The following NFE2L2 variants were observed in gnomAD, a reference collection of about 807,000 sequenced individuals.
NFE2L2 encodes the protein NFE2 like bZIP transcription factor 2.
Under a neutral mutation model 49.6 loss-of-function variants are expected in NFE2L2, and 20 were observed. The ratio of observed to expected loss-of-function variants is 0.40; its 90% CI spans 0.28 to 0.59. The LOEUF is 0.59. Ranked by LOEUF, NFE2L2 falls within the 20% of genes least tolerant of loss-of-function variation. The pLI, the probability that NFE2L2 is intolerant of heterozygous loss-of-function variation, is 0.40. For missense variants in NFE2L2, 578 were observed against 714.2 expected (o/e 0.81, Z 2.17); for synonymous variants, 244 against 256.5 (o/e 0.95, Z 0.47).
rs867519625 is a variant in NFE2L2, at chr2:177,252,017, A to G, written c.45+12515T>C. 9.4e-4 allele frequency among the ~76,000 whole-genome samples: 140 copies of G among 149,530 alleles called. 2 individuals carry two copies. Among genetic ancestry groups the G allele is most frequent in the African/African-American group, 3.2e-3 (130 of 40,474 alleles). Reference sequence around the variant, plus strand: ...CTCTGTCTCAAAAAAAAAAAAAAAAAGGGATTTTTTTCAAGAAGAAATGGA... The same window carrying G: ...CTCTGTCTCAAAAAAAAAAAAAAAAGGGGATTTTTTTCAAGAAGAAATGGA... On this transcript the variant is annotated intron_variant, in intron 1 of 4. Coordinates refer to ENST00000397062, the MANE Select transcript of NFE2L2 (RefSeq NM_006164.5).
intron 1 of NFE2L2, among the ~76,000 whole-genome samples, chr2:177,243,868 C>T (rs1412653479): frequency 6.6e-6 from 1 of 152,018 alleles, no homozygotes; most frequent in Admixed American, 6.6e-5. Flanking sequence ...AGTCAGTCAT[C>T]CAGGCTTGGG....
rs543526335 is a variant in NFE2L2 at position 177,252,556 on chromosome 2, C to T, written c.45+11976G>A. Among the ~76,000 whole-genome samples the T allele has an allele frequency of 8.5e-5, 13 of 152,318 alleles. 1 individual carries two copies. In the South Asian group the frequency reaches 2.7e-3, roughly 32 times the overall value. The stretch of plus-strand genomic sequence containing the variant: ...AGGGGCAAAAAGAGAGAAACTCTCT[C>T]TGTGCCACCTTGAGGAAGAAATGAA... On this transcript the variant is annotated intron_variant, in intron 1 of 4. Coordinates refer to ENST00000397062, the MANE Select transcript of NFE2L2 (RefSeq NM_006164.5).
intron 1 of NFE2L2, among the ~76,000 whole-genome samples, chr2:177,254,160 C>G (rs964924042): frequency 6.6e-6 from 1 of 152,172 alleles, no homozygotes; most frequent in Non-Finnish European, 1.5e-5. Context: ...GTTACCAATT[C>G]CTTGCAGCTG....
chr2:177,256,277 C>T (rs13028464), intron 1 of NFE2L2, among the ~76,000 whole-genome samples: 44,001 of 151,896 alleles, frequency 0.29, 6,884 homozygotes, highest in Non-Finnish European at 0.36. Flanking sequence ...TCTAGTCCCT[C>T]AGGCAGGGAA....
At chr2:177,232,063 G>T in intron 4 of NFE2L2, 55 bp from the exon 5 acceptor site, 1 of 1,488,370 alleles carries the variant, frequency 6.7e-7, no homozygotes, top group Non-Finnish European at 9.0e-7. Flanking sequence ...ATGATAATAC[G>T]TGATAAATTT....
In NFE2L2 at chr2:177,234,095, T is replaced by C. The variant is rs2105458639; in HGVS notation, c.222A>G (p.Leu74=). Residue 74 remains leucine (L), a synonymous_variant, in exon 2 of 5, where the codon TTA becomes TTG. Transcript: ENST00000397062. ...KEQEKAFFAQ[L]QLDEETGEFL... is the part of the protein sequence containing the mutation. The stretch of plus-strand genomic sequence containing the variant: ...ATTCACCTGTCTCTTCATCTAGTTG[T>C]AACTGAGCGAAAAAGGCTTTCTCTT... The C allele has an allele frequency of 6.2e-7, 1 of 1,614,234 alleles. No individual in the cohort carries two copies. The highest frequency in any genetic ancestry group is 8.5e-7 in the Non-Finnish European group (1 of 1,180,028).
chr2:177,261,948 A>G (rs80141132), intron 1 of NFE2L2, among the ~76,000 whole-genome samples: 3 of 152,276 alleles, frequency 2.0e-5, no homozygotes, highest in African/African-American at 2.4e-5. Context: ...TATCCTCAAT[A>G]AAAACAAATA....
chr2:177,232,760 AT>A, intron 3 of NFE2L2, 177 bp from the exon 4 acceptor site: 1 of 608,906 alleles, frequency 1.6e-6, no homozygotes, highest in Non-Finnish European at 2.8e-6. Flanking sequence ...ACTGACTCAA[AT>A]TTATAATTTG....
chr2:177,236,827 T>C (rs1476431496), intron 1 of NFE2L2, among the ~76,000 whole-genome samples: 41 of 152,162 alleles, frequency 2.7e-4, no homozygotes, highest in Admixed American at 2.7e-3. Context: ...ATTGTTATTT[T>C]TTCGGGTTTT....
chr2:177,251,919 T>C (rs1010276231), intron 1 of NFE2L2, among the ~76,000 whole-genome samples: 2 of 141,716 alleles, frequency 1.4e-5, no homozygotes, highest in Non-Finnish European at 3.0e-5. Context: ...GGCAGAAGAA[T>C]GGCGTGAACC....
chr2:177,233,444 A>G, intron 2 of NFE2L2, 105 bp from the exon 3 acceptor site: 1 of 871,972 alleles, frequency 1.1e-6, no homozygotes, highest in South Asian at 1.7e-5. Context: ...TAATCAAGTT[A>G]AGTAAATATT....
chr2:177,255,876 T>A (rs1690500228), intron 1 of NFE2L2: 1 of 152,398 alleles, frequency 6.6e-6, no homozygotes, highest in Admixed American at 6.6e-5. Context: ...TTGTTTTTTC[T>A]ATGTGTATTT....
chr2:177,264,563 T>G lies in NFE2L2; in HGVS notation c.14A>C (p.Glu5Ala). The change falls in exon 1 of 5, where the codon GAG becomes GCG. Residue 5 changes from glutamate (E) to alanine (A), a missense_variant. By Grantham distance (107) the Glu-to-Ala change is moderately radical (BLOSUM62 -1). Coordinates refer to ENST00000397062, the MANE Select transcript of NFE2L2 (RefSeq NM_006164.5). MMDL[E>A]LPPPGLPSQQ... ...GGACGGGAGTCCCGGCGGCGGCAGCTCCAAGTCCATCATGATGAGCTGTGG... is the reference window on the plus strand; with the variant it reads ...GGACGGGAGTCCCGGCGGCGGCAGCGCCAAGTCCATCATGATGAGCTGTGG... The G allele has an allele frequency of 6.6e-7, 1 of 1,517,452 alleles. No individual in the cohort carries two copies. The highest frequency in any genetic ancestry group is 8.8e-7 in the Non-Finnish European group (1 of 1,131,732). 94.0% of individuals were successfully genotyped at this position (1,517,452 alleles called of 1,614,324 possible).
chr2:177,247,861 G>GA (rs1298255932), intron 1 of NFE2L2, among the ~76,000 whole-genome samples: 4 of 152,238 alleles, frequency 2.6e-5, no homozygotes, highest in African/African-American at 9.6e-5. Flanking sequence ...AGAGGCTGGG[G>GA]TACCCGCAGA....
intron 1 of NFE2L2, among the ~76,000 whole-genome samples, chr2:177,249,497 A>T (rs997199910): frequency 6.6e-6 from 1 of 152,204 alleles, no homozygotes; most frequent in Non-Finnish European, 1.5e-5. Context: ...GAAGTCCATA[A>T]GTCTGAAAAT....
chr2:177,239,250 C>A (rs1282706832), intron 1 of NFE2L2, among the ~76,000 whole-genome samples: 2 of 152,206 alleles, frequency 1.3e-5, no homozygotes, highest in African/African-American at 2.4e-5. Context: ...CCCTAGCTTA[C>A]TGTCTCCACC....
At chr2:177,257,082 A>T (rs1574282657) in intron 1 of NFE2L2, among the ~76,000 whole-genome samples, 1 of 152,374 alleles carries the variant, frequency 6.6e-6, no homozygotes, top group East Asian at 1.9e-4. Flanking sequence ...GCCACTACAA[A>T]GTGGGACTTT....
intron 1 of NFE2L2, among the ~76,000 whole-genome samples, chr2:177,243,616 G>A (rs1163572495): frequency 6.6e-6 from 1 of 152,038 alleles, no homozygotes; most frequent in Non-Finnish European, 1.5e-5. Flanking sequence ...TAATTCCCAG[G>A]CTCAAGTGAT....
At chr2:177,259,189 C>A (rs998892502) in intron 1 of NFE2L2, among the ~76,000 whole-genome samples, 1 of 152,124 alleles carries the variant, frequency 6.6e-6, no homozygotes, top group Non-Finnish European at 1.5e-5. Flanking sequence ...GTAATCCCAG[C>A]TACTTGGGAG....
Sources: gnomAD v4.1 joint callset for allele counts (sites outside exome capture counted in the v4.1 genomes callset) on GRCh38, gnomAD v4.1.1 for gene constraint, MANE v1.5 for transcripts, NCBI Gene and HGNC (gene_info 2026-07-23, HGNC 2026-07-21) for gene names.